The following IL1RAPL1 variants were observed in gnomAD, a reference collection of about 807,000 sequenced individuals.
IL1RAPL1 encodes the protein interleukin-1 receptor accessory protein-like 1.
Under a neutral mutation model 48.4 loss-of-function variants are expected in IL1RAPL1, and 3 were observed. The observed-to-expected ratio is 0.06, with a 90% confidence interval of 0.03 to 0.16. The LOEUF is 0.16. IL1RAPL1 is among the 10% of genes least tolerant of loss of function. The pLI is 1.00. For synonymous variants in IL1RAPL1, 185 were observed against 187.7 expected (o/e 0.99, Z 0.12); for missense variants, 349 against 530.6 (o/e 0.66, Z 3.36).
At chrX:29,411,201 A>C (rs1191132056) in intron 5 of IL1RAPL1, among the ~76,000 whole-genome samples, 3 of 112,119 alleles carry the variant, frequency 2.7e-5, no homozygotes, top group South Asian at 7.4e-4. Context: ...ATCTATCCAT[A>C]CATACATACA....
chrX:29,217,777 TCACACACA>T (rs750727005), intron 2 of IL1RAPL1, among the ~76,000 whole-genome samples: 16 of 60,660 alleles, frequency 2.6e-4, no homozygotes, highest in African/African-American at 6.9e-4. Flanking sequence ...TCTCTCTCTC[TCACACACA>T]CACACACACA....
intron 1 of IL1RAPL1, among the ~76,000 whole-genome samples, chrX:28,788,464 TG>T (rs1386525254): frequency 9.0e-6 from 1 of 110,792 alleles, no homozygotes; most frequent in African/African-American, 3.3e-5. Context: ...CGTTGAGTGT[TG>T]TTTCTTCTTC....
chrX:29,416,168 G>A (rs186434317), intron 5 of IL1RAPL1, among the ~76,000 whole-genome samples: 1 of 111,885 alleles, frequency 8.9e-6, no homozygotes. Context: ...AGGTAGAAAT[G>A]TGGATAATGG....
intron 6 of IL1RAPL1, among the ~76,000 whole-genome samples, chrX:29,766,327 C>CAAAAAAAAAAA (rs1220003136): frequency 2.7e-4 from 7 of 25,639 alleles, no homozygotes; most frequent in African/African-American, 1.5e-3. Flanking sequence ...GACTCCGTCT[C>CAAAAAAAAAAA]AAAAAAAAAA....
chrX:29,306,925 C>T (rs1447804510), intron 3 of IL1RAPL1, among the ~76,000 whole-genome samples: 2 of 108,943 alleles, frequency 1.8e-5, no homozygotes, highest in Admixed American at 2.0e-4. Context: ...TTGTTATCTC[C>T]TGTTTAAAAA....
At chrX:29,803,869 G>A (rs147230045) in intron 6 of IL1RAPL1, among the ~76,000 whole-genome samples, 6,508 of 109,975 alleles carry the variant, frequency 0.059, 205 homozygotes, top group Non-Finnish European at 0.093. Context: ...AAGACCAGAG[G>A]AAGCTAAAGA....
At chrX:29,876,782 A>C (rs1398165221) in intron 6 of IL1RAPL1, among the ~76,000 whole-genome samples, 1 of 111,915 alleles carries the variant, frequency 8.9e-6, no homozygotes. Context: ...AGCTTATATC[A>C]ATGTACTTAA....
At position 29,127,888 on chromosome X, in the gene IL1RAPL1, C is replaced by G. The variant is rs754351079; in HGVS notation, c.83-155050C>G. On this transcript the variant is annotated intron_variant, in intron 2 of 10. Coordinates refer to ENST00000378993, the MANE Select transcript of IL1RAPL1 (RefSeq NM_014271.4). ...GTTGAGGCAGAGAATTGCTCGAACC[C>G]GGGAGGCAGAGGTTGCAGTGAGCTG... is the stretch of plus-strand genomic sequence containing the variant. Among the ~76,000 whole-genome samples the G allele has an allele frequency of 2.0e-4, 22 of 108,713 alleles. 1 individual carries two copies. Among genetic ancestry groups the G allele is most frequent in the Non-Finnish European group, 3.1e-4 (16 of 52,404 alleles). 94.4% of individuals were successfully genotyped at this position (108,713 alleles called of 115,157 possible). A position where few individuals can be genotyped will look rare whatever the true frequency, so the allele number is the denominator to read the frequency against.
At chrX:29,206,457 G>C (rs191062073) in intron 2 of IL1RAPL1, among the ~76,000 whole-genome samples, 2 of 111,321 alleles carry the variant, frequency 1.8e-5, no homozygotes, top group East Asian at 2.8e-4. Flanking sequence ...TGAACACAGA[G>C]TTTAGGAAGA....
chrX:28,658,971 G>GA (rs1934783593), intron 1 of IL1RAPL1: 29 of 300,386 alleles, frequency 9.7e-5, no homozygotes, highest in Non-Finnish European at 1.2e-4. Flanking sequence ...TGACCCCATG[G>GA]AAAAAAATTA....
intron 5 of IL1RAPL1, among the ~76,000 whole-genome samples, chrX:29,506,552 T>G (rs1935332701): frequency 9.1e-6 from 1 of 109,502 alleles, no homozygotes; most frequent in Non-Finnish European, 1.9e-5. Flanking sequence ...ACAGGTTTGC[T>G]TTGGTTCTAG....
At chrX:29,156,139 C>G (rs1045569393) in intron 2 of IL1RAPL1, among the ~76,000 whole-genome samples, 1 of 111,493 alleles carries the variant, frequency 9.0e-6, no homozygotes, top group Admixed American at 9.6e-5. Flanking sequence ...TCCAAGGGCT[C>G]TTAGCTAGCA....
intron 6 of IL1RAPL1, among the ~76,000 whole-genome samples, chrX:29,811,908 G>A (rs1930388908): frequency 9.0e-6 from 1 of 111,287 alleles, no homozygotes; most frequent in African/African-American, 3.3e-5. Context: ...TCTGCATGTT[G>A]GTAAAAGCAC....
chrX:29,587,160 T>C (rs887746049), intron 5 of IL1RAPL1, among the ~76,000 whole-genome samples: 1 of 111,446 alleles, frequency 9.0e-6, no homozygotes, highest in South Asian at 3.7e-4. Context: ...CAGAGGAGTT[T>C]AGTCAGTTAT....
intron 2 of IL1RAPL1, among the ~76,000 whole-genome samples, chrX:29,103,232 C>T (rs1476135078): frequency 1.8e-5 from 2 of 111,742 alleles, no homozygotes; most frequent in Non-Finnish European, 3.8e-5. Context: ...ATGCTACAGG[C>T]CACTGTAATC....
At chrX:29,120,946 A>G (rs763528382) in intron 2 of IL1RAPL1, among the ~76,000 whole-genome samples, 1 of 112,272 alleles carries the variant, frequency 8.9e-6, no homozygotes, top group East Asian at 2.8e-4. Context: ...TCAAAACTTA[A>G]TTAATGTAAT....
At chrX:28,960,025 A>T (rs186335909) in intron 2 of IL1RAPL1, among the ~76,000 whole-genome samples, 101 of 112,359 alleles carry the variant, frequency 9.0e-4, no homozygotes, top group Non-Finnish European at 1.0e-3. Context: ...AAGATAAAAG[A>T]TAGATAAAGA....
chrX:29,849,986 C>T (rs1322903338), intron 6 of IL1RAPL1, among the ~76,000 whole-genome samples: 3 of 111,730 alleles, frequency 2.7e-5, no homozygotes, highest in African/African-American at 9.8e-5. Context: ...TTCTCTTCCT[C>T]TCCTCAAACT....
At chrX:29,296,953 GAGT>G (rs1397914263) in intron 3 of IL1RAPL1, among the ~76,000 whole-genome samples, 2 of 111,659 alleles carry the variant, frequency 1.8e-5, no homozygotes, top group African/African-American at 3.3e-5. Context: ...AGTATCCATT[GAGT>G]AACTGTTTTA....
Sources: gnomAD v4.1 joint callset for allele counts (sites outside exome capture counted in the v4.1 genomes callset) on GRCh38, gnomAD v4.1.1 for gene constraint, MANE v1.5 for transcripts, NCBI Gene and HGNC (gene_info 2026-07-23, HGNC 2026-07-21) for gene names.